LSAMP: variants seen among roughly 807,000 people sequenced by gnomAD.
LSAMP encodes limbic system associated membrane protein.
In LSAMP, 7 loss-of-function variants were observed where a neutral mutation model predicts 38.6. The observed-to-expected ratio is 0.18, with a 90% CI of 0.10 to 0.34. The LOEUF (loss-of-function observed/expected upper bound fraction) is 0.34, where lower values mean the gene tolerates loss of function less well. LSAMP is among the 10% of genes least tolerant of loss of function. The probability of loss-of-function intolerance (pLI) is 1.00; values close to 1 mark genes in which losing one functional copy is unlikely to be tolerated. For missense variants in LSAMP, 313 were observed against 420.0 expected (o/e 0.75, Z 2.23); for synonymous variants, 154 against 166.8 (o/e 0.92, Z 0.59).
intron 1 of LSAMP, among the ~76,000 whole-genome samples, chr3:116,111,364 A>AT (rs1189665007): frequency 6.6e-6 from 1 of 152,192 alleles, no homozygotes; most frequent in Non-Finnish European, 1.5e-5. Flanking sequence ...AGTAAGTTTT[A>AT]TTCTCTCTGA....
intron 1 of LSAMP, among the ~76,000 whole-genome samples, chr3:116,309,311 C>T (rs1035477029): frequency 6.6e-6 from 1 of 152,050 alleles, no homozygotes; most frequent in Non-Finnish European, 1.5e-5. Context: ...TTAAGAATTA[C>T]TTTCTAACCT....
intron 1 of LSAMP, among the ~76,000 whole-genome samples, chr3:116,244,190 A>T (rs1455843224): frequency 2.0e-5 from 3 of 152,144 alleles, no homozygotes; most frequent in Non-Finnish European, 2.9e-5. Flanking sequence ...CTTGAGTCCT[A>T]TGCTATCCTG....
At chr3:116,387,288 G>A (rs2048637650) in intron 1 of LSAMP, among the ~76,000 whole-genome samples, 1 of 152,084 alleles carries the variant, frequency 6.6e-6, no homozygotes, top group Non-Finnish European at 1.5e-5. Flanking sequence ...TATATGGACA[G>A]AAAATGCCCA....
chr3:116,074,686 T>C (rs1707694370), intron 2 of LSAMP, among the ~76,000 whole-genome samples: 1 of 152,148 alleles, frequency 6.6e-6, no homozygotes, highest in South Asian at 2.1e-4. Context: ...TTTCCTAGTA[T>C]CACTAGTTTT....
chr3:116,443,005 G>T (rs899104507), intron 1 of LSAMP, among the ~76,000 whole-genome samples: 12 of 152,186 alleles, frequency 7.9e-5, no homozygotes, highest in Non-Finnish European at 1.8e-4. Flanking sequence ...AGGTATAGGA[G>T]ATGCTAACTT....
chr3:116,051,613 T>C (rs1941398541), intron 2 of LSAMP, among the ~76,000 whole-genome samples: 1 of 152,196 alleles, frequency 6.6e-6, no homozygotes, highest in South Asian at 2.1e-4. Flanking sequence ...CCTAGCTTTC[T>C]TACCCACTAG....
chr3:115,906,480 A>G (rs1937010924), intron 3 of LSAMP, among the ~76,000 whole-genome samples: 2 of 152,128 alleles, frequency 1.3e-5, no homozygotes, highest in African/African-American at 4.8e-5. Context: ...TTATTGCAAC[A>G]TCTAGTTTCC....
At chr3:116,271,720 A>G (rs1160419006) in intron 1 of LSAMP, among the ~76,000 whole-genome samples, 1 of 152,040 alleles carries the variant, frequency 6.6e-6, no homozygotes, top group South Asian at 2.1e-4. Context: ...GACAAGGCAT[A>G]AAATGCAACG....
chr3:116,225,212 G>A (rs1223182591), intron 1 of LSAMP, among the ~76,000 whole-genome samples: 1 of 152,138 alleles, frequency 6.6e-6, no homozygotes, highest in East Asian at 1.9e-4. Flanking sequence ...ATCTTGAGAC[G>A]AGATCATCTT....
At chr3:115,821,096 A>G (rs1454121183) in intron 6 of LSAMP, among the ~76,000 whole-genome samples, 1 of 151,958 alleles carries the variant, frequency 6.6e-6, no homozygotes, top group Non-Finnish European at 1.5e-5. Flanking sequence ...ATCTCTCACT[A>G]CGTGATGTGA....
intron 3 of LSAMP, among the ~76,000 whole-genome samples, chr3:115,861,189 CCTTCCT>C (rs1184011128): frequency 4.6e-5 from 5 of 108,082 alleles, no homozygotes; most frequent in Admixed American, 1.1e-4. Flanking sequence ...TTCCTTCCTT[CCTTCCT>C]TCCTTCCTTC....
At chr3:115,973,110 A>G (rs1939071476) in intron 3 of LSAMP, among the ~76,000 whole-genome samples, 1 of 152,106 alleles carries the variant, frequency 6.6e-6, no homozygotes, top group Non-Finnish European at 1.5e-5. Context: ...ACATCACCAG[A>G]TGGTGATGGT....
intron 3 of LSAMP, among the ~76,000 whole-genome samples, chr3:115,892,641 T>C (rs2107461605): frequency 6.6e-6 from 1 of 151,966 alleles, no homozygotes; most frequent in Middle Eastern, 3.4e-3. Context: ...AGTGTCATGC[T>C]ATATATTTGT....
Position 116,444,951 on chromosome 3 carries a change from C to T in LSAMP, c.81G>A (p.Leu27=). The T allele has an allele frequency of 6.2e-7, 1 of 1,614,110 alleles. No individual in the cohort carries two copies. Among genetic ancestry groups the T allele is most frequent in the Non-Finnish European group, 8.5e-7 (1 of 1,180,030 alleles). ...GGTTAAAATCCACGCTGCGAACAGG[C>T]AGTCCTGTGGGAAGAAGGCAGAGCA... ...LRLLCLLPTG[L]PVRSVDFNRG... Residue 27 remains leucine, a synonymous_variant, in exon 1 of 7, where the codon CTG becomes CTA. Coordinates refer to ENST00000490035, the MANE Select transcript of LSAMP (RefSeq NM_002338.5).
chr3:115,871,969 A>G (rs779870440), intron 3 of LSAMP, among the ~76,000 whole-genome samples: 3 of 152,162 alleles, frequency 2.0e-5, no homozygotes, highest in Non-Finnish European at 2.9e-5. Flanking sequence ...CAAGTGTACA[A>G]TTCAGCTGGT....
chr3:116,180,820 A>G (rs1312287763), intron 1 of LSAMP, among the ~76,000 whole-genome samples: 1 of 152,150 alleles, frequency 6.6e-6, no homozygotes, highest in African/African-American at 2.4e-5. Flanking sequence ...AATAACCTCA[A>G]TGTAATGTTT....
At chr3:116,202,052 C>G (rs2045994211) in intron 1 of LSAMP, among the ~76,000 whole-genome samples, 1 of 152,086 alleles carries the variant, frequency 6.6e-6, no homozygotes, top group Non-Finnish European at 1.5e-5. Context: ...CCAGGTTTGC[C>G]TACTTCAGTC....
intron 1 of LSAMP, among the ~76,000 whole-genome samples, chr3:116,175,457 A>G (rs976234715): frequency 3.9e-5 from 6 of 152,060 alleles, no homozygotes; most frequent in African/African-American, 9.7e-5. Flanking sequence ...GTCGTCCTAC[A>G]ATGGTATAGA....
At chr3:116,108,557 C>A (rs1289645333) in intron 1 of LSAMP, among the ~76,000 whole-genome samples, 1 of 152,064 alleles carries the variant, frequency 6.6e-6, no homozygotes, top group Non-Finnish European at 1.5e-5. Flanking sequence ...ACGGTGTTTC[C>A]GAGGCAATTA....
Sources: gnomAD v4.1 joint callset for allele counts (sites outside exome capture counted in the v4.1 genomes callset) on GRCh38, gnomAD v4.1.1 for gene constraint, MANE v1.5 for transcripts, NCBI Gene and HGNC (gene_info 2026-07-23, HGNC 2026-07-21) for gene names.